GRID2: variants seen among roughly 807,000 people sequenced by gnomAD.
GRID2 encodes the protein glutamate ionotropic receptor delta type subunit 2, also known as glutamate receptor ionotropic, delta-2.
A neutral mutation model predicts 114.8 loss-of-function variants in GRID2; 33 were observed. That is an observed-to-expected ratio of 0.29 (90% CI 0.22 to 0.38). The LOEUF (loss-of-function observed/expected upper bound fraction) is 0.38, where lower values mean the gene tolerates loss of function less well. Among genes scored for constraint, GRID2 ranks in the 10% least tolerant of loss-of-function variants. The probability of loss-of-function intolerance (pLI) is 1.00; values close to 1 mark genes in which losing one functional copy is unlikely to be tolerated. For synonymous variants in GRID2, 505 were observed against 449.9 expected (o/e 1.12, Z -1.55); for missense variants, 1,184 against 1,257.7 (o/e 0.94, Z 0.89).
intron 1 of GRID2, among the ~76,000 whole-genome samples, chr4:92,366,437 G>A (rs1053641934): frequency 6.6e-6 from 1 of 151,980 alleles, no homozygotes; most frequent in Non-Finnish European, 1.5e-5. Context: ...ACAGGGTTGT[G>A]AGGAATAAAT....
chr4:93,720,612 A>G (rs1729281281), intron 14 of GRID2, among the ~76,000 whole-genome samples: 1 of 152,220 alleles, frequency 6.6e-6, no homozygotes, highest in African/African-American at 2.4e-5. Flanking sequence ...AACTGATATC[A>G]TTAAATGGAC....
chr4:93,193,834 A>AAT lies in GRID2; in HGVS notation c.736-13570_736-13569insAT, dbSNP rs1468498024. On this transcript the variant is annotated intron_variant, in intron 4 of 15. Transcript: ENST00000282020. ...ATAGACGAAGAAAGTCTTGGCATAC[A>AAT]TCTCCAGGATACCCCCTGAATTATA... Among the ~76,000 whole-genome samples, 3 of 152,220 alleles carry AAT rather than the reference A, an allele frequency of 2.0e-5. No homozygotes were observed. In the East Asian group the frequency reaches 5.8e-4, roughly 29 times the overall value.
At chr4:93,412,065 G>A (rs1205265897) in intron 9 of GRID2, among the ~76,000 whole-genome samples, 1 of 150,592 alleles carries the variant, frequency 6.6e-6, no homozygotes, top group Non-Finnish European at 1.5e-5. Context: ...AGGGCATTGA[G>A]ACACTGAAGT....
chr4:92,400,023 A>G (rs960361710), intron 1 of GRID2, among the ~76,000 whole-genome samples: 1 of 152,198 alleles, frequency 6.6e-6, no homozygotes. Flanking sequence ...TAATGAATAA[A>G]TACAGAGTCA....
chr4:92,720,937 TGTG>T (rs1167028739), intron 2 of GRID2, among the ~76,000 whole-genome samples: 1 of 152,032 alleles, frequency 6.6e-6, no homozygotes, highest in South Asian at 2.1e-4. Flanking sequence ...ACAAACAAAA[TGTG>T]GTATAAATAT....
At chr4:92,831,493 G>GTTT (rs34219244) in intron 2 of GRID2, among the ~76,000 whole-genome samples, 1 of 134,336 alleles carries the variant, frequency 7.4e-6, no homozygotes, top group African/African-American at 2.7e-5. Context: ...TGCCAATTTC[G>GTTT]TTTTTTTTTT....
intron 2 of GRID2, among the ~76,000 whole-genome samples, chr4:92,650,833 A>G (rs894478786): frequency 6.6e-6 from 1 of 151,980 alleles, no homozygotes. Context: ...AAACAGAACC[A>G]CATATAGTGG....
intron 4 of GRID2, among the ~76,000 whole-genome samples, chr4:93,157,898 C>T (rs1737327649): frequency 1.3e-5 from 2 of 151,692 alleles, no homozygotes; most frequent in South Asian, 2.1e-4. Context: ...TTCATTGTCC[C>T]ATCAGATTTC....
At chr4:93,034,180 T>A (rs548989855) in intron 2 of GRID2, among the ~76,000 whole-genome samples, 3 of 152,072 alleles carry the variant, frequency 2.0e-5, no homozygotes, top group Non-Finnish European at 2.9e-5. Context: ...CATGACATAT[T>A]TCCAGTAACA....
chr4:92,551,724 C>T (rs780018562), intron 1 of GRID2, among the ~76,000 whole-genome samples: 10 of 152,018 alleles, frequency 6.6e-5, no homozygotes, highest in African/African-American at 9.7e-5. Flanking sequence ...ATAATACCAT[C>T]GTTAATAACA....
chr4:92,608,890 A>G (rs1319267014), intron 2 of GRID2, among the ~76,000 whole-genome samples: 1 of 151,894 alleles, frequency 6.6e-6, no homozygotes, highest in Admixed American at 6.6e-5. Flanking sequence ...TCTTTCACCC[A>G]AATATATATT....
At chr4:93,184,800 T>G (rs1007840612) in intron 4 of GRID2, among the ~76,000 whole-genome samples, 1 of 152,096 alleles carries the variant, frequency 6.6e-6, no homozygotes, top group African/African-American at 2.4e-5. Context: ...GAGAATCACT[T>G]GAACCCTAGA....
At chr4:93,600,409 A>G (rs1739554106) in intron 13 of GRID2, among the ~76,000 whole-genome samples, 1 of 152,186 alleles carries the variant, frequency 6.6e-6, no homozygotes, top group Non-Finnish European at 1.5e-5. Context: ...TAAACAAAAG[A>G]TTGGAACAGT....
At chr4:92,827,244 TGTTA>T (rs1343181414) in intron 2 of GRID2, among the ~76,000 whole-genome samples, 4 of 152,198 alleles carry the variant, frequency 2.6e-5, no homozygotes, top group East Asian at 1.9e-4. Flanking sequence ...AAAAAATATT[TGTTA>T]GTTATATTAA....
intron 2 of GRID2, among the ~76,000 whole-genome samples, chr4:92,721,258 A>G (rs935738074): frequency 6.6e-6 from 1 of 152,090 alleles, no homozygotes; most frequent in African/African-American, 2.4e-5. Context: ...GAATATGCTT[A>G]ATGTCACTAA....
intron 13 of GRID2, among the ~76,000 whole-genome samples, chr4:93,589,864 T>C (rs1737997142): frequency 6.6e-6 from 1 of 151,866 alleles, no homozygotes; most frequent in South Asian, 2.1e-4. Context: ...TTGAGAAGTG[T>C]CTGTTCATGT....
Position 92,534,322 on chromosome 4 carries a change from T to C in GRID2, c.89-55809T>C, listed in dbSNP as rs182253527. On this transcript the variant is annotated intron_variant, in intron 1 of 15. Transcript: ENST00000282020. ...GTGACTGGATGATATTTTGCTGTTG[T>C]AGCACACTTCAAAGATTAGAATTAT... Among the ~76,000 whole-genome samples, 1,334 of 152,266 alleles carry C rather than the reference T, an allele frequency of 8.8e-3. 13 individuals carry two copies. Among genetic ancestry groups the C allele is most frequent in the Non-Finnish European group, 0.014 (920 of 67,984 alleles).
At chr4:93,331,468 T>C (rs2149228879) in intron 8 of GRID2, among the ~76,000 whole-genome samples, 1 of 152,076 alleles carries the variant, frequency 6.6e-6, no homozygotes. Flanking sequence ...GATTCTTTCT[T>C]TTTGTAACAT....
intron 2 of GRID2, among the ~76,000 whole-genome samples, chr4:92,609,560 G>A (rs1729622210): frequency 6.6e-6 from 1 of 151,036 alleles, no homozygotes; most frequent in Non-Finnish European, 1.5e-5. Context: ...ATGATGAAAG[G>A]GCAAAAGTGA....
Sources: allele counts gnomAD v4.1 joint callset (sites outside exome capture counted in the v4.1 genomes callset), GRCh38; gene constraint gnomAD v4.1.1; transcripts MANE v1.5; gene names NCBI Gene and HGNC (gene_info 2026-07-23, HGNC 2026-07-21).